The following GRM3 variants were observed in gnomAD, a reference collection of about 807,000 sequenced individuals.
GRM3 encodes glutamate metabotropic receptor 3.
GRM3 carries 26 observed loss-of-function variants against 70.5 expected under a neutral mutation model. That is an observed-to-expected ratio of 0.37 (90% CI 0.27 to 0.51). The LOEUF is 0.51. GRM3 is among the 20% of genes least tolerant of loss of function. GRM3 has a pLI of 0.93. For synonymous variants in GRM3, 443 were observed against 434.9 expected, an observed-to-expected ratio of 1.02 and a Z score of -0.23; for missense variants, 859 against 1,123.8, an observed-to-expected ratio of 0.76 and a Z score of 3.37.
chr7:86,844,993 G>T (rs955973155), intron 4 of GRM3, among the ~76,000 whole-genome samples: 1 of 152,004 alleles, frequency 6.6e-6, no homozygotes, highest in East Asian at 1.9e-4. Flanking sequence ...GGATTCAAGC[G>T]ATTTTCCTGC....
chr7:86,772,032 T>A (rs1338379283), intron 2 of GRM3, among the ~76,000 whole-genome samples: 1 of 152,124 alleles, frequency 6.6e-6, no homozygotes, highest in Non-Finnish European at 1.5e-5. Context: ...ACTCACTTCA[T>A]GTACATGCCC....
intron 2 of GRM3, among the ~76,000 whole-genome samples, chr7:86,777,788 T>C (rs1431941640): frequency 6.6e-6 from 1 of 152,184 alleles, no homozygotes; most frequent in Non-Finnish European, 1.5e-5. Context: ...TCAGGCAGTT[T>C]TGTCAACTAT....
At chr7:86,665,965 C>A (rs188670373) in intron 1 of GRM3, among the ~76,000 whole-genome samples, 22 of 152,168 alleles carry the variant, frequency 1.4e-4, no homozygotes, top group Non-Finnish European at 2.8e-4. Context: ...CATTTTCTGT[C>A]ATTCACATTT....
intron 3 of GRM3, among the ~76,000 whole-genome samples, chr7:86,828,948 G>A (rs1333762830): frequency 6.6e-6 from 1 of 152,166 alleles, no homozygotes; most frequent in East Asian, 1.9e-4. Flanking sequence ...TTTCAACAAC[G>A]TTCACGGCTT....
intron 1 of GRM3, among the ~76,000 whole-genome samples, chr7:86,760,367 T>C (rs561329752): frequency 3.7e-4 from 57 of 152,272 alleles, no homozygotes; most frequent in African/African-American, 1.3e-3. Flanking sequence ...AAAACATTGG[T>C]GAGCAGGTTG....
chr7:86,841,612 T>C (rs190469816), intron 4 of GRM3, among the ~76,000 whole-genome samples: 2 of 152,138 alleles, frequency 1.3e-5, no homozygotes, highest in South Asian at 4.1e-4. Context: ...TGCAAAGTAG[T>C]TATAATACTA....
intron 3 of GRM3, among the ~76,000 whole-genome samples, chr7:86,814,902 T>C (rs1228124186): frequency 3.3e-5 from 5 of 151,582 alleles, no homozygotes; most frequent in African/African-American, 1.2e-4. Context: ...ATGGGCTCAG[T>C]GAATTATGCA....
At chr7:86,735,900 G>A (rs527943645) in intron 1 of GRM3, among the ~76,000 whole-genome samples, 15 of 152,252 alleles carry the variant, frequency 9.9e-5, no homozygotes, top group African/African-American at 3.6e-4. Context: ...TATCCTCAAA[G>A]CATTAGAGAG....
chr7:86,747,941 T>A (rs1479131421), intron 1 of GRM3, among the ~76,000 whole-genome samples: 1 of 152,052 alleles, frequency 6.6e-6, no homozygotes, highest in Non-Finnish European at 1.5e-5. Context: ...AGCTAACGTT[T>A]GCGCAGGGAA....
chr7:86,838,749 AT>A, intron 3 of GRM3, 89 bp from the exon 4 acceptor site: 1 of 681,168 alleles, frequency 1.5e-6, no homozygotes, highest in Non-Finnish European at 2.5e-6. Context: ...ATTTCCTGTT[AT>A]TTCAGTGTAT....
chr7:86,819,860 T>G (rs541347985), intron 3 of GRM3, among the ~76,000 whole-genome samples: 1 of 152,242 alleles, frequency 6.6e-6, no homozygotes, highest in East Asian at 1.9e-4. Context: ...CAAAATAAAA[T>G]GAGAATAGAA....
intron 5 of GRM3, among the ~76,000 whole-genome samples, chr7:86,863,999 T>A (rs967962998): frequency 6.6e-6 from 1 of 150,850 alleles, no homozygotes; most frequent in Non-Finnish European, 1.5e-5. Flanking sequence ...TTAAAATGAG[T>A]TTTTAATTTA....
At chr7:86,662,039 G>C (rs1380067169) in intron 1 of GRM3, among the ~76,000 whole-genome samples, 1 of 151,802 alleles carries the variant, frequency 6.6e-6, no homozygotes, top group Non-Finnish European at 1.5e-5. Flanking sequence ...AAAAATATTA[G>C]TTGCAAGCAC....
chr7:86,816,421 G>A (rs1475755842), intron 3 of GRM3, among the ~76,000 whole-genome samples: 1 of 151,772 alleles, frequency 6.6e-6, no homozygotes, highest in East Asian at 1.9e-4. Flanking sequence ...TCAATAGGTA[G>A]TTTTTTGATC....
chr7:86,856,593 A>G (rs1474698756), intron 5 of GRM3, among the ~76,000 whole-genome samples: 4 of 152,062 alleles, frequency 2.6e-5, no homozygotes, highest in African/African-American at 9.7e-5. Flanking sequence ...CCAAACCTAA[A>G]ATAAAAGTTA....
intron 1 of GRM3, among the ~76,000 whole-genome samples, chr7:86,732,610 T>C (rs1795760269): frequency 6.6e-6 from 1 of 152,190 alleles, no homozygotes; most frequent in South Asian, 2.1e-4. Context: ...ATTAACTAAG[T>C]TCATCTTCAC....
intron 2 of GRM3, among the ~76,000 whole-genome samples, chr7:86,784,828 A>C (rs913767904): frequency 1.3e-5 from 2 of 152,168 alleles, no homozygotes; most frequent in Admixed American, 6.5e-5. Context: ...TGTGGTTGAG[A>C]GGTAGCAGGA....
At chr7:86,688,359 G>GA (rs1015419758) in intron 1 of GRM3, among the ~76,000 whole-genome samples, 2 of 151,546 alleles carry the variant, frequency 1.3e-5, no homozygotes, top group Admixed American at 6.6e-5. Context: ...AATTAACAGT[G>GA]AAAAAAGTAG....
At chr7:86,692,944 A>T (rs942480760) in intron 1 of GRM3, among the ~76,000 whole-genome samples, 1 of 152,214 alleles carries the variant, frequency 6.6e-6, no homozygotes, top group African/African-American at 2.4e-5. Context: ...GCAGCACATC[A>T]GTTCAGGACC....
Sources: allele counts gnomAD v4.1 joint callset (sites outside exome capture counted in the v4.1 genomes callset), GRCh38; gene constraint gnomAD v4.1.1; transcripts MANE v1.5; gene names NCBI Gene and HGNC (gene_info 2026-07-23, HGNC 2026-07-21).